Variants in CD82 observed in about 807,000 individuals in gnomAD.
CD82 encodes CD82 antigen.
CD82 carries 36 observed loss-of-function variants against 37.4 expected under a neutral mutation model. The ratio of observed to expected loss-of-function variants is 0.96; its 90% confidence interval spans 0.74 to 1.27. The LOEUF is 1.27. Among genes scored for constraint, CD82 ranks in the 50% most tolerant of loss-of-function variants. CD82 has a pLI of 0.00. For synonymous variants in CD82, 158 were observed against 137.4 expected (o/e 1.15, Z -1.05); for missense variants, 340 against 347.0 (o/e 0.98, Z 0.16).
chr11:44,601,232 G>C (rs966267339), intron 4 of CD82, among the ~76,000 whole-genome samples: 1 of 152,118 alleles, frequency 6.6e-6, no homozygotes, highest in Non-Finnish European at 1.5e-5. Context: ...ACAGCTGCTT[G>C]ATTTACATAA....
At chr11:44,613,309 G>T (rs1327668966) in intron 6 of CD82, among the ~76,000 whole-genome samples, 4 of 152,208 alleles carry the variant, frequency 2.6e-5, no homozygotes, top group South Asian at 4.1e-4. Flanking sequence ...GCTCTCGGAG[G>T]CTCCCCTCCC....
intron 4 of CD82, among the ~76,000 whole-genome samples, chr11:44,600,649 G>A (rs1853294583): frequency 6.6e-6 from 1 of 152,228 alleles, no homozygotes; most frequent in South Asian, 2.1e-4. Context: ...TATGAGTGGT[G>A]CTTCGCTATA....
intron 8 of CD82, 41 bp from the exon 9 acceptor site, chr11:44,618,599 G>A (rs768215987): frequency 1.3e-5 from 20 of 1,522,104 alleles, no homozygotes; most frequent in Non-Finnish European, 1.7e-5. Context: ...GGGGTGGGAT[G>A]GTGCAGAGCG....
At chr11:44,572,586 G>A (rs1852829064) in intron 1 of CD82, among the ~76,000 whole-genome samples, 2 of 151,934 alleles carry the variant, frequency 1.3e-5, no homozygotes, top group African/African-American at 4.8e-5. Context: ...TATGGTAGGA[G>A]CGTCCATTGT....
At chr11:44,595,108 G>A (rs12805749) in intron 3 of CD82, 8,439 of 229,928 alleles carry the variant, frequency 0.037, 245 homozygotes, top group Non-Finnish European at 0.057. Context: ...CCCATGTGAA[G>A]AATTGACCTG....
In CD82 at chr11:44,579,791, G is replaced by A. The variant is rs184952207; in HGVS notation, c.-102-7684G>A. Among the ~76,000 whole-genome samples the A allele has an allele frequency of 1.3e-4, 20 of 152,292 alleles. 1 individual carries two copies. Among genetic ancestry groups the A allele is most frequent in the East Asian group, 7.7e-4 (4 of 5,162 alleles). On this transcript the variant is annotated intron_variant, in intron 1 of 9. Coordinates refer to ENST00000227155, the MANE Select transcript of CD82 (RefSeq NM_002231.4). ...CCCAGCTTGGCAGGCCCAGATCTCC[G>A]CAGTAGACCATGGAAGTGGGTCTCT...
At chr11:44,581,189 T>C (rs1352126002) in intron 1 of CD82, among the ~76,000 whole-genome samples, 1 of 152,192 alleles carries the variant, frequency 6.6e-6, no homozygotes, top group Admixed American at 6.5e-5. Flanking sequence ...TTTCATTACC[T>C]GTCATTTACA....
chr11:44,599,491 A>C (rs560341433), intron 3 of CD82, among the ~76,000 whole-genome samples: 27 of 152,332 alleles, frequency 1.8e-4, no homozygotes, highest in African/African-American at 5.1e-4. Flanking sequence ...TCATCAGCTC[A>C]TTCATTCCCC....
intron 1 of CD82, among the ~76,000 whole-genome samples, chr11:44,570,127 G>A (rs975607614): frequency 2.0e-5 from 3 of 152,196 alleles, no homozygotes; most frequent in Admixed American, 6.5e-5. Flanking sequence ...GCCCCAAGAC[G>A]CCAGTCATGT....
At chr11:44,604,229 C>G (rs1202004730) in intron 4 of CD82, among the ~76,000 whole-genome samples, 2 of 152,246 alleles carry the variant, frequency 1.3e-5, no homozygotes. Context: ...GCATCCCCAG[C>G]AACTGGCACA....
intron 9 of CD82, 45 bp from the exon 10 acceptor site, chr11:44,619,004 G>GCCGGGACACCCAGCCTCCCTCTGACT: frequency 6.5e-7 from 1 of 1,543,122 alleles, no homozygotes; most frequent in Non-Finnish European, 9.0e-7. Context: ...GGCGTCTGAG[G>GCCGGGACACCCAGCCTCCCTCTGACT]CCGGGACACC....
At chr11:44,612,623 ATTTTTTTTTTTTTT>A (rs34301171) in intron 6 of CD82, among the ~76,000 whole-genome samples, 2 of 63,042 alleles carry the variant, frequency 3.2e-5, no homozygotes, top group Non-Finnish European at 2.7e-5. Flanking sequence ...CCCAGCATTA[ATTTTTTTTTTTTTT>A]TTTTTTTTTT....
intron 1 of CD82, among the ~76,000 whole-genome samples, chr11:44,586,051 C>T (rs968781498): frequency 1.3e-5 from 2 of 152,156 alleles, no homozygotes; most frequent in East Asian, 1.9e-4. Flanking sequence ...GGCCTGCCTG[C>T]ACCCCACTGA....
At chr11:44,572,831 T>G (rs1276589876) in intron 1 of CD82, among the ~76,000 whole-genome samples, 1 of 152,218 alleles carries the variant, frequency 6.6e-6, no homozygotes, top group Non-Finnish European at 1.5e-5. Flanking sequence ...GAGCTCTAAA[T>G]GGAAGCCGGT....
Position 44,615,516 on chromosome 11 carries a change from C to T in CD82, c.438+143C>T, listed in dbSNP as rs563478874. The T allele has an allele frequency of 2.5e-5, 16 of 630,864 alleles. No individual in the cohort carries two copies. The Admixed American group carries it at 3.8e-4, about 15-fold the overall frequency. The allele number at this position is 630,864 out of a possible 1,614,324, so 39.1% of individuals were successfully genotyped here. On this transcript the variant is annotated intron_variant, in intron 7 of 9. Coordinates refer to ENST00000227155, the MANE Select transcript of CD82 (RefSeq NM_002231.4). ...GTAGGAGAGTGTGCTTCTATGGGGG[C>T]AGGGCACCCCAGTTAGCACCACAAC...
Position 44,590,610 on chromosome 11 carries a change from CAAA to C in CD82, c.-21+3072_-21+3074del, listed in dbSNP as rs56665683. On this transcript the variant is annotated intron_variant, in intron 2 of 9. Transcript: ENST00000227155. ...TGGGCAACAGAGGGAGATTCTGTCT[CAAA>C]AAAAAAAAAAAAAAAAAGATGAAAT... 4.8e-3 allele frequency among the ~76,000 whole-genome samples: 159 copies of C among 33,456 alleles called. 4 individuals are homozygous for C. Among genetic ancestry groups the C allele is most frequent in the African/African-American group, 0.015 (147 of 9,586 alleles). 21.9% of individuals were successfully genotyped at this position (33,456 alleles called of 152,430 possible).
intron 3 of CD82, among the ~76,000 whole-genome samples, chr11:44,599,853 G>T (rs1040956888): frequency 5.3e-5 from 8 of 152,244 alleles, no homozygotes; most frequent in African/African-American, 1.9e-4. Flanking sequence ...TGAGAAAAGA[G>T]CCAGGAGATG....
At position 44,619,777 on chromosome 11, in the gene CD82, A is replaced by C. The variant is rs1428873100; in HGVS notation, c.*651A>C. ...AGACTCCGTCTCAAAAAAAAAAAAA[A>C]AAAAAAAAAAAATTGGGGAGGGAAG... On this transcript the variant is annotated 3_prime_UTR_variant, in exon 10 of 10. Coordinates refer to ENST00000227155, the MANE Select transcript of CD82 (RefSeq NM_002231.4). The C allele has an allele frequency of 5.9e-5, 9 of 151,614 alleles. No individual in the cohort carries two copies. The highest frequency in any genetic ancestry group is 2.2e-4 in the African/African-American group (9 of 41,102). The allele number at this position is 151,614 out of a possible 1,614,324, so 9.4% of individuals were successfully genotyped here. A position where few individuals can be genotyped will look rare whatever the true frequency, so the allele number is the denominator to read the frequency against.
chr11:44,602,237 C>T (rs1394197431), intron 4 of CD82, among the ~76,000 whole-genome samples: 1 of 152,212 alleles, frequency 6.6e-6, no homozygotes, highest in Admixed American at 6.5e-5. Context: ...GAAGAGCAGA[C>T]TCTAGCCTGA....
Sources: allele counts gnomAD v4.1 joint callset (sites outside exome capture counted in the v4.1 genomes callset), GRCh38; gene constraint gnomAD v4.1.1; transcripts MANE v1.5; gene names NCBI Gene and HGNC (gene_info 2026-07-23, HGNC 2026-07-21).